The following SPOPL variants were observed in gnomAD, a reference collection of about 807,000 sequenced individuals.
SPOPL encodes the protein speckle-type POZ protein-like.
In SPOPL, 23 loss-of-function variants were observed where a neutral mutation model predicts 53.8. The ratio of observed to expected loss-of-function variants is 0.43; its 90% CI spans 0.31 to 0.61. SPOPL has a LOEUF of 0.61. Ranked by LOEUF, SPOPL falls within the 20% of genes least tolerant of loss-of-function variation. The pLI is 0.12. For synonymous variants in SPOPL, 164 were observed against 149.7 expected, an observed-to-expected ratio of 1.10 and a Z score of -0.70; for missense variants, 442 against 466.9, an observed-to-expected ratio of 0.95 and a Z score of 0.49.
At chr2:138,543,032 ATTCTT>A (rs1685109002) in intron 1 of SPOPL, among the ~76,000 whole-genome samples, 1 of 152,118 alleles carries the variant, frequency 6.6e-6, no homozygotes, top group South Asian at 2.1e-4. Context: ...TGGGTTGAAA[ATTCTT>A]TTCTTTAATA....
chr2:138,540,312 A>G (rs1685041662), intron 1 of SPOPL, among the ~76,000 whole-genome samples: 1 of 152,166 alleles, frequency 6.6e-6, no homozygotes, highest in South Asian at 2.1e-4. Flanking sequence ...TGGGGATGGC[A>G]TTGAATCTAT....
chr2:138,564,395 A>C (rs1304472423), intron 8 of SPOPL: 7 of 269,780 alleles, frequency 2.6e-5, no homozygotes, highest in Non-Finnish European at 4.2e-5. Context: ...GGTGGTACAC[A>C]TTAGTGTTTG....
intron 1 of SPOPL, among the ~76,000 whole-genome samples, chr2:138,529,984 T>C (rs1011668010): frequency 3.3e-5 from 5 of 152,146 alleles, no homozygotes; most frequent in African/African-American, 1.2e-4. Context: ...CGCTTTACCC[T>C]CTAATAGGCC....
chr2:138,523,690 T>C (rs1250145515), intron 1 of SPOPL, among the ~76,000 whole-genome samples: 1 of 152,186 alleles, frequency 6.6e-6, no homozygotes, highest in Non-Finnish European at 1.5e-5. Context: ...CAGGCCCCCA[T>C]GCAAATTCAA....
Position 138,503,350 on chromosome 2 carries a change from G to A in SPOPL, c.-61+1231G>A, listed in dbSNP as rs541454572. On this transcript the variant is annotated intron_variant, in intron 1 of 10. Coordinates refer to ENST00000280098, the MANE Select transcript of SPOPL (RefSeq NM_001001664.3). ...GGGTTATGATATGACATCACAGGAT[G>A]GTGCTAGTAATTGCACAAGTAAATA... Among the ~76,000 whole-genome samples the A allele has an allele frequency of 5.3e-5, 8 of 152,218 alleles. No homozygotes were observed. In the East Asian group the frequency reaches 1.4e-3, roughly 26 times the overall value.
At chr2:138,517,410 G>C (rs1219530406) in intron 1 of SPOPL, among the ~76,000 whole-genome samples, 1 of 152,034 alleles carries the variant, frequency 6.6e-6, no homozygotes, top group African/African-American at 2.4e-5. Flanking sequence ...ATTAATTTTG[G>C]GGCAAGATGG....
At chr2:138,551,820 T>C (rs948110483) in intron 4 of SPOPL, among the ~76,000 whole-genome samples, 1 of 152,076 alleles carries the variant, frequency 6.6e-6, no homozygotes, top group Admixed American at 6.6e-5. Context: ...CTTTGTATAA[T>C]AGATAATGAA....
At position 138,550,141 on chromosome 2, in the gene SPOPL, C is replaced by A. The variant is rs1685282032; in HGVS notation, c.-60-16C>A. 1 of 1,377,304 alleles carries A rather than the reference C, an allele frequency of 7.3e-7. No homozygotes were observed. Among genetic ancestry groups the A allele is most frequent in the South Asian group, 1.2e-5 (1 of 83,880 alleles). 85.3% of individuals were successfully genotyped at this position (1,377,304 alleles called of 1,614,324 possible). A position where few individuals can be genotyped will look rare whatever the true frequency, so the allele number is the denominator to read the frequency against. On this transcript the variant is annotated splice_polypyrimidine_tract_variant and intron_variant, in intron 1 of 10. Coordinates refer to ENST00000280098, the MANE Select transcript of SPOPL (RefSeq NM_001001664.3). ...TAAACTTTTTAATCAGTACATCAAA[C>A]TTCTTTCCTTTGTAGGTAAGGTACT...
Position 138,550,288 on chromosome 2 carries a change from C to T in SPOPL, c.72C>T (p.Tyr24=). The stretch of plus-strand genomic sequence containing the variant: ...GTCCCATAGCAGAAAGCTGGTGTTA[C>T]ACACAGGTACATGCTCTTAAAAATC... The part of the protein sequence containing the change: ...STGPIAESWC[Y]TQVKVVKFSY... Residue 24 remains tyrosine (Y), a synonymous_variant, in exon 2 of 11, where the codon TAC becomes TAT. Transcript: ENST00000280098. 2 of 1,613,540 alleles carry T rather than the reference C, an allele frequency of 1.2e-6. No individual in the cohort carries two copies. The highest frequency in any genetic ancestry group is 1.7e-6 in the Non-Finnish European group (2 of 1,179,602).
At chr2:138,528,761 A>G (rs1334857851) in intron 1 of SPOPL, among the ~76,000 whole-genome samples, 1 of 152,222 alleles carries the variant, frequency 6.6e-6, no homozygotes, top group African/African-American at 2.4e-5. Flanking sequence ...GCTGGAAAGG[A>G]CATGTCTTAA....
At chr2:138,546,010 A>G (rs979561495) in intron 1 of SPOPL, among the ~76,000 whole-genome samples, 9 of 152,174 alleles carry the variant, frequency 5.9e-5, no homozygotes, top group African/African-American at 2.2e-4. Context: ...AGGAAACATG[A>G]TGGTGGTAGG....
intron 8 of SPOPL, among the ~76,000 whole-genome samples, chr2:138,561,926 G>A (rs866204205): frequency 2.6e-5 from 4 of 151,206 alleles, no homozygotes; most frequent in African/African-American, 7.3e-5. Flanking sequence ...CTTTATGTCC[G>A]TGGCATTACA....
rs1426993667 is a variant in SPOPL, at chr2:138,527,358, T to A, written c.-60-22799T>A. Among the ~76,000 whole-genome samples, 16 of 152,330 alleles carry A rather than the reference T, an allele frequency of 1.1e-4. No individual in the cohort carries two copies. The East Asian group carries it at 3.1e-3, about 29-fold the overall frequency. On this transcript the variant is annotated intron_variant, in intron 1 of 10. Coordinates refer to ENST00000280098, the MANE Select transcript of SPOPL (RefSeq NM_001001664.3). ...TCACCTGTCAGATCAATACTGGACC[T>A]CGTCAATCTGACCCACAGTTCCCTC...
Position 138,572,557 on chromosome 2 carries a change from A to G in SPOPL, c.*3477A>G, listed in dbSNP as rs1264445236. ...AGAGCCAAGTATACTTGAAGAGGTG[A>G]ATTATTCTGACTTGGACATGCATGC... On this transcript the variant is annotated 3_prime_UTR_variant, in exon 11 of 11. Transcript: ENST00000280098. 6.6e-6 allele frequency: 1 copy of G among 152,546 alleles called. No individual in the cohort carries two copies. Among genetic ancestry groups the G allele is most frequent in the African/African-American group, 2.4e-5 (1 of 41,448 alleles). 9.4% of individuals were successfully genotyped at this position (152,546 alleles called of 1,614,324 possible).
intron 10 of SPOPL, among the ~76,000 whole-genome samples, chr2:138,567,372 AGTGTGTGTGTGTGTGTGTGTGTGT>A (rs57208490): frequency 1.3e-3 from 145 of 113,036 alleles, no homozygotes; most frequent in African/African-American, 3.4e-3. Flanking sequence ...AGAGCAGTAT[AGTGTGTGTGTGTGTGTGTGTGTGT>A]GTGTGTGTGT....
rs35397774 is a variant in SPOPL, at chr2:138,562,783, CA to C, written c.837+1876del. ...TGGGCAAAAGAGCAAGATTCCATCTCAAAAAAAAAAAAAAAAAAAAGTAATG... is the reference window on the plus strand; with the variant it reads ...TGGGCAAAAGAGCAAGATTCCATCTCAAAAAAAAAAAAAAAAAAAGTAATG... On this transcript the variant is annotated intron_variant, in intron 8 of 10. Coordinates refer to ENST00000280098, the MANE Select transcript of SPOPL (RefSeq NM_001001664.3). 9.3e-3 allele frequency among the ~76,000 whole-genome samples: 597 copies of C among 64,154 alleles called. 3 individuals carry two copies. Among genetic ancestry groups the C allele is most frequent in the Non-Finnish European group, 0.014 (432 of 30,278 alleles). The allele number at this position is 64,154 out of a possible 152,430, so 42.1% of individuals were successfully genotyped here. A position where few individuals can be genotyped will look rare whatever the true frequency, so the allele number is the denominator to read the frequency against.
intron 1 of SPOPL, among the ~76,000 whole-genome samples, chr2:138,530,704 G>C (rs1190977625): frequency 6.6e-6 from 1 of 152,100 alleles, no homozygotes; most frequent in African/African-American, 2.4e-5. Flanking sequence ...CAGCATCCTT[G>C]ACAAACTTCC....
intron 1 of SPOPL, among the ~76,000 whole-genome samples, chr2:138,513,708 C>A (rs1340172652): frequency 6.7e-6 from 1 of 148,572 alleles, no homozygotes; most frequent in African/African-American, 2.5e-5. Flanking sequence ...TCACTGCGCT[C>A]CAGCCTAGGA....
At chr2:138,515,181 A>G (rs1385686139) in intron 1 of SPOPL, among the ~76,000 whole-genome samples, 1 of 152,210 alleles carries the variant, frequency 6.6e-6, no homozygotes, top group African/African-American at 2.4e-5. Context: ...CAAATAGTGC[A>G]CTTCTAACTT....
Sources: gnomAD v4.1 joint callset for allele counts (sites outside exome capture counted in the v4.1 genomes callset) on GRCh38, gnomAD v4.1.1 for gene constraint, MANE v1.5 for transcripts, NCBI Gene and HGNC (gene_info 2026-07-23, HGNC 2026-07-21) for gene names.